SETBP1: variants seen among roughly 807,000 people sequenced by gnomAD.
The protein encoded by SETBP1 is SET binding protein 1.
In SETBP1, 9 loss-of-function variants were observed where a neutral mutation model predicts 101.0. The observed-to-expected ratio is 0.09, with a 90% confidence interval of 0.05 to 0.16. The LOEUF (loss-of-function observed/expected upper bound fraction) is 0.16, where lower values mean the gene tolerates loss of function less well. SETBP1 is among the 10% of genes least tolerant of loss of function. The pLI, the probability that SETBP1 is intolerant of heterozygous loss-of-function variation, is 1.00. For missense variants in SETBP1, 1,858 were observed against 2,033.8 expected (o/e 0.91, Z 1.66); for synonymous variants, 818 against 788.5 (o/e 1.04, Z -0.63).
At chr18:44,896,815 C>G (rs2069914450) in intron 3 of SETBP1, among the ~76,000 whole-genome samples, 1 of 152,128 alleles carries the variant, frequency 6.6e-6, no homozygotes, top group Non-Finnish European at 1.5e-5. Context: ...CCTATGATAT[C>G]TTTCTTCTTT....
At chr18:44,834,553 A>G (rs1047138251) in intron 2 of SETBP1, among the ~76,000 whole-genome samples, 6 of 152,204 alleles carry the variant, frequency 3.9e-5, no homozygotes, top group African/African-American at 1.4e-4. Context: ...CCCGGAAGCT[A>G]TAGAAGAGGC....
intron 3 of SETBP1, among the ~76,000 whole-genome samples, chr18:44,910,612 T>C (rs1734773656): frequency 6.6e-6 from 1 of 152,198 alleles, no homozygotes; most frequent in African/African-American, 2.4e-5. Context: ...TCTCCATTAT[T>C]GGAAGGCCTT....
At chr18:44,901,366 CTT>C (rs556121228) in intron 3 of SETBP1, among the ~76,000 whole-genome samples, 1 of 152,204 alleles carries the variant, frequency 6.6e-6, no homozygotes, top group African/African-American at 2.4e-5. Context: ...AGGAGATAGA[CTT>C]TTGAGCTTCT....
intron 3 of SETBP1, among the ~76,000 whole-genome samples, chr18:44,921,157 C>T (rs1361560860): frequency 6.6e-6 from 1 of 152,152 alleles, no homozygotes; most frequent in African/African-American, 2.4e-5. Context: ...TAAAGTCAAC[C>T]ATTGATTTAG....
At chr18:44,876,881 C>T in intron 3 of SETBP1, 2 of 1,395,612 alleles carry the variant, frequency 1.4e-6, no homozygotes, top group Non-Finnish European at 9.3e-7. Context: ...TCTCTGCCTG[C>T]TAGCTAGACA....
chr18:44,825,839 G>A (rs1028547467), intron 2 of SETBP1, among the ~76,000 whole-genome samples: 1 of 152,164 alleles, frequency 6.6e-6, no homozygotes, highest in Non-Finnish European at 1.5e-5. Flanking sequence ...GAGTAGTGCG[G>A]AATAAGTATG....
At chr18:44,684,188 T>C (rs1367588231) in intron 1 of SETBP1, among the ~76,000 whole-genome samples, 1 of 152,172 alleles carries the variant, frequency 6.6e-6, no homozygotes, top group Admixed American at 6.5e-5. Flanking sequence ...ACCTAGTGAG[T>C]TTCCCAAAAT....
At chr18:44,753,789 G>A (rs527510336) in intron 2 of SETBP1, among the ~76,000 whole-genome samples, 4 of 152,288 alleles carry the variant, frequency 2.6e-5, no homozygotes, top group Admixed American at 1.3e-4. Flanking sequence ...GGGTGAGGGA[G>A]GAAGGAAAAA....
intron 3 of SETBP1, among the ~76,000 whole-genome samples, chr18:44,902,472 A>T (rs1296312629): frequency 8.0e-6 from 1 of 125,462 alleles, no homozygotes; most frequent in South Asian, 2.9e-4. Context: ...AGAGAGGTGG[A>T]GCCAGGCAGG....
At chr18:44,788,878 G>A (rs1460524281) in intron 2 of SETBP1, among the ~76,000 whole-genome samples, 1 of 137,914 alleles carries the variant, frequency 7.3e-6, no homozygotes, top group Non-Finnish European at 1.5e-5. Context: ...GCTTACTGCA[G>A]CCTCGATCTC....
intron 2 of SETBP1, among the ~76,000 whole-genome samples, chr18:44,731,090 G>C (rs571705526): frequency 6.6e-6 from 1 of 152,180 alleles, no homozygotes; most frequent in African/African-American, 2.4e-5. Context: ...CAACAGCTGG[G>C]GCTGCCTGGG....
chr18:44,880,670 CA>C (rs1303130673), intron 3 of SETBP1, among the ~76,000 whole-genome samples: 1 of 152,144 alleles, frequency 6.6e-6, no homozygotes, highest in Non-Finnish European at 1.5e-5. Flanking sequence ...AAAGGGAAAG[CA>C]GGCACATCAC....
chr18:45,010,729 T>A (rs2072820177), intron 4 of SETBP1, among the ~76,000 whole-genome samples: 1 of 152,242 alleles, frequency 6.6e-6, no homozygotes, highest in South Asian at 2.1e-4. Context: ...AGCCAGACAT[T>A]GTGCTTAATA....
At chr18:44,701,878 T>G in intron 2 of SETBP1, 46 bp downstream of exon 2, 1 of 1,598,754 alleles carries the variant, frequency 6.3e-7, no homozygotes, top group South Asian at 1.1e-5. Flanking sequence ...TTCTCTGTTT[T>G]TGCCATTTTA....
chr18:44,961,205 A>T (rs2145150793), intron 4 of SETBP1, among the ~76,000 whole-genome samples: 1 of 152,368 alleles, frequency 6.6e-6, no homozygotes, highest in Non-Finnish European at 1.5e-5. Context: ...ACCAGGAAGG[A>T]TGCAGAGAAG....
At chr18:44,813,341 T>C (rs2071904793) in intron 2 of SETBP1, among the ~76,000 whole-genome samples, 1 of 152,176 alleles carries the variant, frequency 6.6e-6, no homozygotes, top group South Asian at 2.1e-4. Context: ...GAAGGGCTTT[T>C]TTTTTCCCTT....
chr18:44,913,096 T>C (rs1014977857), intron 3 of SETBP1, among the ~76,000 whole-genome samples: 3 of 152,192 alleles, frequency 2.0e-5, no homozygotes, highest in Non-Finnish European at 4.4e-5. Context: ...CTAAGCCCAT[T>C]TTGACTCAGC....
At chr18:44,730,183 T>C (rs1250531260) in intron 2 of SETBP1, among the ~76,000 whole-genome samples, 1 of 152,246 alleles carries the variant, frequency 6.6e-6, no homozygotes, top group African/African-American at 2.4e-5. Flanking sequence ...TGTTTGGTTC[T>C]GTGCATTTTA....
At chr18:44,815,359 G>A (rs180881074) in intron 2 of SETBP1, among the ~76,000 whole-genome samples, 1 of 152,322 alleles carries the variant, frequency 6.6e-6, no homozygotes, top group East Asian at 1.9e-4. Flanking sequence ...ACTTTAAAGC[G>A]TGAGTTGGAT....
Sources: allele counts gnomAD v4.1 joint callset (sites outside exome capture counted in the v4.1 genomes callset), GRCh38; gene constraint gnomAD v4.1.1; transcripts MANE v1.5; gene names NCBI Gene and HGNC (gene_info 2026-07-23, HGNC 2026-07-21).